The following SLC25A48 variants were observed in gnomAD, a reference collection of about 807,000 sequenced individuals.
SLC25A48 encodes solute carrier family 25 member 48, also known as CTC-321K16.1.
SLC25A48 carries 29 observed loss-of-function variants against 32.2 expected under a neutral mutation model. The observed-to-expected ratio is 0.90, with a 90% CI of 0.67 to 1.23. The LOEUF (loss-of-function observed/expected upper bound fraction) is 1.23. SLC25A48 is among the 50% of genes most tolerant of loss of function. The probability of loss-of-function intolerance (pLI) is 0.00; values close to 1 mark genes in which losing one functional copy is unlikely to be tolerated. For missense variants in SLC25A48, 399 were observed against 422.7 expected (o/e 0.94, Z 0.49); for synonymous variants, 164 against 172.3 (o/e 0.95, Z 0.38).
intron 3 of SLC25A48, among the ~76,000 whole-genome samples, chr5:135,767,187 AC>A (rs34320053): frequency 0.32 from 46,796 of 144,802 alleles, 7,513 homozygotes; most frequent in East Asian, 0.48. Flanking sequence ...GGACAGGTAC[AC>A]CCCCCCCCCG....
At chr5:135,642,956 C>T (rs1752875201) in intron 3 of SLC25A48, among the ~76,000 whole-genome samples, 1 of 152,168 alleles carries the variant, frequency 6.6e-6, no homozygotes, top group African/African-American at 2.4e-5. Context: ...GACTATCTCA[C>T]ACATAGGCTC....
intron 1 of SLC25A48, among the ~76,000 whole-genome samples, chr5:135,627,700 A>T (rs1752468495): frequency 6.6e-6 from 1 of 152,086 alleles, no homozygotes; most frequent in Admixed American, 6.5e-5. Context: ...CATTTGCTGC[A>T]GTGAGCCACT....
intron 3 of SLC25A48, among the ~76,000 whole-genome samples, chr5:135,636,077 T>G (rs1202210242): frequency 6.6e-6 from 1 of 152,222 alleles, no homozygotes; most frequent in East Asian, 1.9e-4. Context: ...AGGTGAATGA[T>G]TCTCATGAAA....
chr5:135,675,835 A>G (rs972326478), intron 3 of SLC25A48, among the ~76,000 whole-genome samples: 1 of 152,116 alleles, frequency 6.6e-6, no homozygotes, highest in Non-Finnish European at 1.5e-5. Flanking sequence ...ATCCATGAGC[A>G]TGGAATGTGT....
chr5:135,817,740 G>T (rs936008346), intron 4 of SLC25A48, among the ~76,000 whole-genome samples: 2 of 152,140 alleles, frequency 1.3e-5, no homozygotes, highest in African/African-American at 2.4e-5. Context: ...GGCACAACCT[G>T]GGAGAAAACA....
At chr5:135,882,230 T>C (rs1762528331) in intron 7 of SLC25A48, among the ~76,000 whole-genome samples, 1 of 152,210 alleles carries the variant, frequency 6.6e-6, no homozygotes, top group East Asian at 1.9e-4. Flanking sequence ...CAGCCACTGG[T>C]CTGCAGATTC....
chr5:135,782,000 A>T (rs1484104710), intron 3 of SLC25A48, among the ~76,000 whole-genome samples: 4 of 71,906 alleles, frequency 5.6e-5, no homozygotes, highest in Admixed American at 1.3e-4. Context: ...ATTGTTTCTA[A>T]TATCCAGAGA....
At chr5:135,836,407 T>C (rs1429859979) in intron 1 of SLC25A48, among the ~76,000 whole-genome samples, 2 of 152,116 alleles carry the variant, frequency 1.3e-5, no homozygotes, top group Non-Finnish European at 2.9e-5. Flanking sequence ...TTTACTACAC[T>C]TGAATACTTA....
intron 3 of SLC25A48, among the ~76,000 whole-genome samples, chr5:135,701,295 G>A (rs1244377598): frequency 2.6e-5 from 4 of 152,116 alleles, no homozygotes; most frequent in African/African-American, 9.7e-5. Context: ...GCTAGTGATG[G>A]CTCCATCTAG....
chr5:135,809,354 A>G (rs1473704012), intron 3 of SLC25A48, among the ~76,000 whole-genome samples: 1 of 152,168 alleles, frequency 6.6e-6, no homozygotes, highest in African/African-American at 2.4e-5. Flanking sequence ...TGGAATGAGA[A>G]AGCTCTCATT....
chr5:135,866,212 C>T (rs1761193368), intron 4 of SLC25A48, among the ~76,000 whole-genome samples: 3 of 152,174 alleles, frequency 2.0e-5, no homozygotes, highest in South Asian at 4.1e-4. Flanking sequence ...ACCGACATAC[C>T]CACACAGCAG....
At chr5:135,753,570 G>A (rs1755822365) in intron 3 of SLC25A48, among the ~76,000 whole-genome samples, 1 of 151,564 alleles carries the variant, frequency 6.6e-6, no homozygotes, top group Non-Finnish European at 1.5e-5. Context: ...TTGGTGACAT[G>A]AACAGTAATA....
chr5:135,802,364 G>GA (rs140482350), intron 3 of SLC25A48, among the ~76,000 whole-genome samples: 3,065 of 151,528 alleles, frequency 0.02, 49 homozygotes, highest in Non-Finnish European at 0.032. Context: ...TAATATCCTG[G>GA]AAAAATATTA....
At chr5:135,599,327 C>T (rs1011157218) in intron 1 of SLC25A48, among the ~76,000 whole-genome samples, 4 of 152,138 alleles carry the variant, frequency 2.6e-5, no homozygotes, top group African/African-American at 7.2e-5. Context: ...TGTACACATC[C>T]CTCCCAGGCT....
At chr5:135,694,043 C>T (rs1015805826) in intron 3 of SLC25A48, among the ~76,000 whole-genome samples, 4 of 152,184 alleles carry the variant, frequency 2.6e-5, no homozygotes, top group Non-Finnish European at 5.9e-5. Flanking sequence ...GAGCTCTAGG[C>T]GCTGAGCCCA....
At chr5:135,636,886 G>T (rs943244319) in intron 3 of SLC25A48, among the ~76,000 whole-genome samples, 1 of 152,170 alleles carries the variant, frequency 6.6e-6, no homozygotes, top group Non-Finnish European at 1.5e-5. Context: ...GCTGAAGTGG[G>T]GTCTGCTTCC....
At chr5:135,737,759 A>G (rs1041208965) in intron 3 of SLC25A48, among the ~76,000 whole-genome samples, 1 of 152,156 alleles carries the variant, frequency 6.6e-6, no homozygotes. Flanking sequence ...ACTCGGATCC[A>G]AAGTGCTGCA....
At chr5:135,712,654 CA>C (rs1754694672) in intron 3 of SLC25A48, among the ~76,000 whole-genome samples, 1 of 152,186 alleles carries the variant, frequency 6.6e-6, no homozygotes, top group Non-Finnish European at 1.5e-5. Flanking sequence ...TGAGGCTCAC[CA>C]AAAGATCAGC....
intron 3 of SLC25A48, among the ~76,000 whole-genome samples, chr5:135,734,346 A>AG (rs35393279): frequency 0.3 from 45,487 of 151,926 alleles, 6,906 homozygotes; most frequent in East Asian, 0.46. Flanking sequence ...TGGCCTAATA[A>AG]GGAACTGGGC....
Sources: allele counts gnomAD v4.1 joint callset (sites outside exome capture counted in the v4.1 genomes callset), GRCh38; gene constraint gnomAD v4.1.1; transcripts MANE v1.5; gene names NCBI Gene and HGNC (gene_info 2026-07-23, HGNC 2026-07-21).